Variants in MGAT4C observed in about 807,000 individuals in gnomAD.
MGAT4C encodes the protein alpha-1,3-mannosyl-glycoprotein 4-beta-N-acetylglucosaminyltransferase C.
Under a neutral mutation model 40.1 loss-of-function variants are expected in MGAT4C, and 19 were observed. The observed-to-expected ratio is 0.47, with a 90% CI of 0.33 to 0.70. The LOEUF is 0.70. Among genes scored for constraint, MGAT4C ranks in the 30% least tolerant of loss-of-function variants. MGAT4C has a pLI of 0.02. For missense variants in MGAT4C, 491 were observed against 563.2 expected (o/e 0.87, Z 1.30); for synonymous variants, 181 against 187.1 (o/e 0.97, Z 0.27).
At chr12:86,764,852 A>G (rs1244918400) in intron 1 of MGAT4C, among the ~76,000 whole-genome samples, 1 of 152,132 alleles carries the variant, frequency 6.6e-6, no homozygotes, top group African/African-American at 2.4e-5. Flanking sequence ...CATCCACACC[A>G]AAAACCCATC....
chr12:86,312,345 G>A (rs938341222), intron 4 of MGAT4C, among the ~76,000 whole-genome samples: 10 of 152,208 alleles, frequency 6.6e-5, no homozygotes, highest in African/African-American at 2.2e-4. Context: ...TCTGGAAAGT[G>A]TGAAGAGAAA....
chr12:86,624,469 TA>T (rs1328930454), intron 2 of MGAT4C, among the ~76,000 whole-genome samples: 2 of 152,196 alleles, frequency 1.3e-5, no homozygotes, highest in East Asian at 3.9e-4. Flanking sequence ...CTTATTGGCT[TA>T]AAGCATTTAA....
chr12:86,835,353 A>G (rs1953015931), intron 1 of MGAT4C, among the ~76,000 whole-genome samples: 1 of 151,966 alleles, frequency 6.6e-6, no homozygotes, highest in Admixed American at 6.6e-5. Flanking sequence ...ACTCTCATTA[A>G]AAAATGTTTA....
intron 1 of MGAT4C, among the ~76,000 whole-genome samples, chr12:86,783,595 T>G (rs1951882476): frequency 6.6e-6 from 1 of 152,196 alleles, no homozygotes; most frequent in Non-Finnish European, 1.5e-5. Flanking sequence ...CAGTGCCTGA[T>G]GTAGTTGTTT....
intron 1 of MGAT4C, among the ~76,000 whole-genome samples, chr12:86,073,477 A>C (rs1869011662): frequency 6.6e-6 from 1 of 152,166 alleles, no homozygotes; most frequent in Admixed American, 6.6e-5. Context: ...CCAGAAGAAG[A>C]CAGGAAAATG....
intron 1 of MGAT4C, among the ~76,000 whole-genome samples, chr12:86,740,710 A>G (rs1951056654): frequency 6.6e-6 from 1 of 151,214 alleles, no homozygotes; most frequent in Non-Finnish European, 1.5e-5. Flanking sequence ...TCAATAGAGC[A>G]ATTCTTGTAA....
chr12:86,413,289 GT>G (rs1956642735), intron 3 of MGAT4C, among the ~76,000 whole-genome samples: 1 of 152,148 alleles, frequency 6.6e-6, no homozygotes, highest in Non-Finnish European at 1.5e-5. Context: ...GCTCTTCTGG[GT>G]TTCAGCTAAA....
At chr12:86,269,953 C>A (rs1167854241) in intron 4 of MGAT4C, among the ~76,000 whole-genome samples, 1 of 152,054 alleles carries the variant, frequency 6.6e-6, no homozygotes, top group Non-Finnish European at 1.5e-5. Context: ...TTGTACAGGT[C>A]AGTATCATAA....
chr12:86,794,280 TTAA>T (rs1952075367), intron 1 of MGAT4C, among the ~76,000 whole-genome samples: 1 of 151,742 alleles, frequency 6.6e-6, no homozygotes, highest in Non-Finnish European at 1.5e-5. Flanking sequence ...TAAAATATGT[TTAA>T]TAATCTTGCT....
At chr12:86,173,454 C>T (rs991484479) in intron 1 of MGAT4C, among the ~76,000 whole-genome samples, 1 of 152,046 alleles carries the variant, frequency 6.6e-6, no homozygotes, top group African/African-American at 2.4e-5. Context: ...CAATTAACTA[C>T]TTTATTTTTA....
chr12:86,681,576 A>G (rs2136580542), intron 2 of MGAT4C, among the ~76,000 whole-genome samples: 1 of 152,050 alleles, frequency 6.6e-6, no homozygotes, highest in African/African-American at 2.4e-5. Flanking sequence ...TAGAGCAAAA[A>G]GAAAAAAAAA....
intron 1 of MGAT4C, among the ~76,000 whole-genome samples, chr12:86,099,269 T>C (rs1365300734): frequency 6.6e-6 from 1 of 151,412 alleles, no homozygotes; most frequent in Non-Finnish European, 1.5e-5. Context: ...ACATTTTCTT[T>C]TTTCATATAG....
chr12:86,419,909 C>T (rs756436118), intron 3 of MGAT4C, among the ~76,000 whole-genome samples: 1 of 152,072 alleles, frequency 6.6e-6, no homozygotes, highest in Non-Finnish European at 1.5e-5. Context: ...TTAAGTGCAG[C>T]AGCAAAGGTG....
intron 3 of MGAT4C, among the ~76,000 whole-genome samples, chr12:86,369,557 C>T (rs1955677178): frequency 6.6e-6 from 1 of 151,900 alleles, no homozygotes; most frequent in Non-Finnish European, 1.5e-5. Context: ...ATAGTTATAA[C>T]AGTCTTCTCA....
chr12:86,467,537 A>T (rs1211272621), intron 2 of MGAT4C, among the ~76,000 whole-genome samples: 1 of 152,172 alleles, frequency 6.6e-6, no homozygotes, highest in African/African-American at 2.4e-5. Context: ...ACAGAATAAC[A>T]AAGGGTTAAA....
Position 86,723,068 on chromosome 12 carries a change from T to C in MGAT4C, c.-229+4141A>G, listed in dbSNP as rs564938522. The stretch of plus-strand genomic sequence containing the variant: ...CAAATCTGTACAACTATTTTATACA[T>C]GATAGCCACATCACACAACATTTAT... On this transcript the variant is annotated intron_variant, in intron 2 of 7. Transcript: ENST00000548651. Among the ~76,000 whole-genome samples, 7 of 152,346 alleles carry C rather than the reference T, an allele frequency of 4.6e-5. No individual in the cohort carries two copies. In the East Asian group the frequency reaches 1.4e-3, roughly 29 times the overall value.
chr12:86,675,722 T>C (rs928646696), intron 2 of MGAT4C, among the ~76,000 whole-genome samples: 6 of 152,160 alleles, frequency 3.9e-5, no homozygotes, highest in Non-Finnish European at 8.8e-5. Flanking sequence ...TGTACATATG[T>C]TGGGGATGCA....
chr12:85,972,221 CTAAT>C lies in MGAT4C; in HGVS notation c.*7064_*7067del, dbSNP rs1883653119. The stretch of plus-strand genomic sequence containing the variant: ...ATGCCACATGCAACAGAAAATGTGT[CTAAT>C]TATGTTTGTTTTAGAGCTTAAGAAA... On this transcript the variant is annotated 3_prime_UTR_variant, in exon 5 of 5. Coordinates refer to ENST00000611864, the MANE Select transcript of MGAT4C (RefSeq NM_001351288.2). The C allele has an allele frequency of 6.6e-6, 1 of 150,960 alleles. No homozygotes were observed. The highest frequency in any genetic ancestry group is 2.4e-5 in the African/African-American group (1 of 41,298). The allele number at this position is 150,960 out of a possible 1,614,324, so 9.4% of individuals were successfully genotyped here.
At chr12:86,200,471 T>C (rs1278109401) in intron 1 of MGAT4C, among the ~76,000 whole-genome samples, 1 of 152,066 alleles carries the variant, frequency 6.6e-6, no homozygotes, top group Non-Finnish European at 1.5e-5. Flanking sequence ...ACACTACCAG[T>C]ATATTAAGAG....
Sources: allele counts gnomAD v4.1 joint callset (sites outside exome capture counted in the v4.1 genomes callset), GRCh38; gene constraint gnomAD v4.1.1; transcripts MANE v1.5; gene names NCBI Gene and HGNC (gene_info 2026-07-23, HGNC 2026-07-21).